Variants in ARMC2 observed in about 807,000 individuals in gnomAD.
The protein encoded by ARMC2 is armadillo repeat containing 2, also known as armadillo repeat-containing protein 2.
Under a neutral mutation model 90.3 loss-of-function variants are expected in ARMC2, and 67 were observed. The ratio of observed to expected loss-of-function variants is 0.74; its 90% CI spans 0.61 to 0.91. ARMC2 has a LOEUF of 0.91. Among genes scored for constraint, ARMC2 ranks in the 40% least tolerant of loss-of-function variants. The pLI is 0.00. For synonymous variants in ARMC2, 393 were observed against 393.0 expected, an observed-to-expected ratio of 1.00 and a Z score of 0.00; for missense variants, 920 against 1,030.9, an observed-to-expected ratio of 0.89 and a Z score of 1.47.
chr6:108,888,142 A>G (rs1425172613), intron 5 of ARMC2, among the ~76,000 whole-genome samples: 2 of 152,182 alleles, frequency 1.3e-5, no homozygotes, highest in African/African-American at 2.4e-5. Flanking sequence ...GCGAACACTC[A>G]CTTTGAGTAA....
chr6:108,862,062 G>C (rs956749728), intron 3 of ARMC2, among the ~76,000 whole-genome samples: 1 of 151,940 alleles, frequency 6.6e-6, no homozygotes, highest in African/African-American at 2.4e-5. Context: ...AAAAGTAGAC[G>C]GCTAGGCTCA....
chr6:108,909,045 G>A (rs1773116486), intron 8 of ARMC2, among the ~76,000 whole-genome samples: 1 of 152,152 alleles, frequency 6.6e-6, no homozygotes, highest in African/African-American at 2.4e-5. Context: ...ACTCTAAGCT[G>A]GGGAAGAAGA....
Position 108,973,690 on chromosome 6 carries a change from A to G in ARMC2, c.*176A>G, listed in dbSNP as rs1210299832. The G allele has an allele frequency of 1.9e-6, 1 of 539,164 alleles. No homozygotes were observed. Among genetic ancestry groups the G allele is most frequent in the Non-Finnish European group, 3.1e-6 (1 of 321,264 alleles). The allele number at this position is 539,164 out of a possible 1,614,324, so 33.4% of individuals were successfully genotyped here. A position where few individuals can be genotyped will look rare whatever the true frequency, so the allele number is the denominator to read the frequency against. The stretch of plus-strand genomic sequence containing the variant: ...TAAGCATTTCTTCTTGTTAGGTATT[A>G]TGGAAAAATGAATATACACATTATA... On this transcript the variant is annotated 3_prime_UTR_variant, in exon 18 of 18. Coordinates refer to ENST00000392644, the MANE Select transcript of ARMC2 (RefSeq NM_032131.6).
intron 5 of ARMC2, among the ~76,000 whole-genome samples, chr6:108,890,591 C>A (rs1456072548): frequency 1.3e-5 from 2 of 151,848 alleles, no homozygotes; most frequent in Non-Finnish European, 2.9e-5. Context: ...GATGAGGAAA[C>A]CAAAGCTAAG....
At chr6:108,868,689 G>A in intron 3 of ARMC2, 135 bp from the exon 4 acceptor site, 1 of 719,954 alleles carries the variant, frequency 1.4e-6, no homozygotes, top group Non-Finnish European at 2.3e-6. Flanking sequence ...CAGTGAGTTG[G>A]TAGAATCAGG....
intron 12 of ARMC2, among the ~76,000 whole-genome samples, chr6:108,942,921 G>A (rs940201987): frequency 1.3e-5 from 2 of 152,002 alleles, no homozygotes; most frequent in African/African-American, 4.8e-5. Context: ...AGAAAGAAAA[G>A]AAAAAAACCC....
chr6:108,858,030 A>G (rs115448807), intron 2 of ARMC2, among the ~76,000 whole-genome samples, 169 bp from the exon 3 acceptor site: 1,798 of 152,346 alleles, frequency 0.012, 33 homozygotes, highest in African/African-American at 0.042. Flanking sequence ...AGTAATCAAA[A>G]GACTTGTTAA....
At chr6:108,983,899 C>T in the ARMC2 span, among the ~76,000 whole-genome samples, 1 of 152,148 alleles carries the variant, frequency 6.6e-6, no homozygotes, top group African/African-American at 2.4e-5. Flanking sequence ...GCAGGGGTCC[C>T]CAACCCATGG....
chr6:108,907,540 G>T (rs946173493), intron 8 of ARMC2: 8 of 1,211,920 alleles, frequency 6.6e-6, no homozygotes, highest in Non-Finnish European at 9.2e-6. Context: ...AGCAACGATC[G>T]AGATTGTGTT....
At chr6:108,903,933 A>G (rs907527315) in intron 7 of ARMC2, among the ~76,000 whole-genome samples, 1 of 152,200 alleles carries the variant, frequency 6.6e-6, no homozygotes, top group Admixed American at 6.5e-5. Flanking sequence ...CATCTGGAGT[A>G]AAGGAGGCCA....
chr6:108,965,280 TATA>T, intron 17 of ARMC2, 140 bp downstream of exon 17: 1 of 769,174 alleles, frequency 1.3e-6, no homozygotes, highest in African/African-American at 1.7e-5. Flanking sequence ...TAAAGATTAC[TATA>T]ATTTGGAACT....
At chr6:108,961,494 G>A in intron 13 of ARMC2, 78 bp from the exon 14 acceptor site, 5 of 1,457,014 alleles carry the variant, frequency 3.4e-6, no homozygotes, top group South Asian at 1.4e-5. Context: ...TCCTGGCCCT[G>A]CTGTTGCTGT....
chr6:108,876,033 A>G lies in ARMC2; in HGVS notation c.464-110A>G, dbSNP rs1033535815. The stretch of plus-strand genomic sequence containing the variant: ...AAAATTCCAGACTTAATTATAAGCA[A>G]TGTATAACTTTTAAATCATATAAAT... On this transcript the variant is annotated intron_variant, in intron 4 of 17. Coordinates refer to ENST00000392644, the MANE Select transcript of ARMC2 (RefSeq NM_032131.6). 13 of 965,946 alleles carry G rather than the reference A, an allele frequency of 1.3e-5. No homozygotes were observed. In the East Asian group the frequency reaches 2.9e-4, roughly 22 times the overall value. 59.8% of individuals were successfully genotyped at this position (965,946 alleles called of 1,614,324 possible).
the ARMC2 span, among the ~76,000 whole-genome samples, chr6:109,040,236 T>C: frequency 2.6e-5 from 4 of 152,172 alleles, no homozygotes; most frequent in Non-Finnish European, 4.4e-5. Flanking sequence ...AGAAATAATC[T>C]AGTTTGGCAA....
chr6:108,952,992 GC>G (rs750908470), intron 12 of ARMC2, 40 bp from the exon 13 acceptor site: 2 of 1,523,948 alleles, frequency 1.3e-6, no homozygotes, highest in Non-Finnish European at 1.8e-6. Context: ...ATGTGTTCCA[GC>G]CCCCTTTGCA....
At chr6:108,849,666 T>C (rs1773808333) in intron 1 of ARMC2, among the ~76,000 whole-genome samples, 1 of 152,282 alleles carries the variant, frequency 6.6e-6, no homozygotes, top group South Asian at 2.1e-4. Flanking sequence ...TGGGCAATAA[T>C]TGTTAACATC....
intron 3 of ARMC2, among the ~76,000 whole-genome samples, chr6:108,863,952 T>G (rs1171509921): frequency 6.6e-6 from 1 of 152,216 alleles, no homozygotes; most frequent in East Asian, 1.9e-4. Flanking sequence ...TTGAGCCACA[T>G]AACTGAGCTC....
chr6:109,001,000 C>T, the ARMC2 span, among the ~76,000 whole-genome samples: 3 of 152,144 alleles, frequency 2.0e-5, no homozygotes, highest in African/African-American at 7.2e-5. Context: ...ACATCTTGAA[C>T]AGGAAGCACC....
intron 8 of ARMC2, among the ~76,000 whole-genome samples, chr6:108,904,978 A>G (rs1441845562): frequency 1.3e-5 from 2 of 152,194 alleles, no homozygotes; most frequent in African/African-American, 4.8e-5. Context: ...ACCAAAAAAA[A>G]AGTCTGTAGA....
Sources: gnomAD v4.1 joint callset for allele counts (sites outside exome capture counted in the v4.1 genomes callset) on GRCh38, gnomAD v4.1.1 for gene constraint, MANE v1.5 for transcripts, NCBI Gene and HGNC (gene_info 2026-07-23, HGNC 2026-07-21) for gene names.